Variants in PAQR5 observed in about 807,000 individuals in gnomAD.
PAQR5 encodes the protein progestin and adipoQ receptor family member 5, also known as membrane progestin receptor gamma.
In PAQR5, 20 loss-of-function variants were observed where a neutral mutation model predicts 34.5. The ratio of observed to expected loss-of-function variants is 0.58; its 90% CI spans 0.41 to 0.84. PAQR5 has a LOEUF of 0.84. Ranked by LOEUF, PAQR5 falls within the 40% of genes least tolerant of loss-of-function variation. The pLI is 0.00. For synonymous variants in PAQR5, 131 were observed against 155.6 expected (o/e 0.84, Z 1.18); for missense variants, 378 against 412.7 (o/e 0.92, Z 0.73).
chr15:69,322,760 AGAAGAAGAAGAGGGAGAAGAAGAAGAC>A (rs1595851311), intron 1 of PAQR5, among the ~76,000 whole-genome samples: 6 of 42,102 alleles, frequency 1.4e-4, no homozygotes, highest in Admixed American at 2.8e-4. Flanking sequence ...AAGAAGAAGA[AGAAGAAGAAGAGGGAGAAGAAGAAGAC>A]GAGGAAGAAG....
rs2055190946 is a variant in PAQR5 at position 69,360,023 on chromosome 15, T to C, written c.-58T>C. The C allele has an allele frequency of 1.4e-6, 2 of 1,380,812 alleles. No homozygotes were observed. The highest frequency in any genetic ancestry group is 2.1e-6 in the Non-Finnish European group (2 of 968,664). 85.5% of individuals were successfully genotyped at this position (1,380,812 alleles called of 1,614,324 possible). A position where few individuals can be genotyped will look rare whatever the true frequency, so the allele number is the denominator to read the frequency against. ...CCCCAGGCCATGTTAGAGCTTTGAG[T>C]GAGGCCTGGTAACAGGGAGGCGCTG... On this transcript the variant is annotated 5_prime_UTR_variant, in exon 3 of 9. Transcript: ENST00000395407.
intron 3 of PAQR5, among the ~76,000 whole-genome samples, chr15:69,369,697 C>T (rs2055500796): frequency 6.6e-6 from 1 of 151,726 alleles, no homozygotes; most frequent in Admixed American, 6.6e-5. Flanking sequence ...GGGGCATGGA[C>T]CACAAACCTA....
chr15:69,313,616 T>C (rs1288776333), intron 1 of PAQR5, among the ~76,000 whole-genome samples: 2 of 151,872 alleles, frequency 1.3e-5, no homozygotes, highest in Non-Finnish European at 2.9e-5. Flanking sequence ...AGACAGTATG[T>C]CTAGAAAAGG....
At chr15:69,346,021 T>C (rs2140760621) in intron 2 of PAQR5, among the ~76,000 whole-genome samples, 1 of 152,336 alleles carries the variant, frequency 6.6e-6, no homozygotes, top group South Asian at 2.1e-4. Context: ...ACAGTTATGT[T>C]TTGACTTCAG....
chr15:69,405,154 C>CA lies in PAQR5; in HGVS notation c.*1333dup, dbSNP rs1379227608. On this transcript the variant is annotated 3_prime_UTR_variant, in exon 9 of 9. Transcript: ENST00000395407. Reference sequence around the variant, plus strand: ...AAAGTTCAGTATTTCATGGTGTTTTCAGGGAACACAGAAATGCGGATGCAA... The same window carrying CA: ...AAAGTTCAGTATTTCATGGTGTTTTCAAGGGAACACAGAAATGCGGATGCAA... 1.5e-5 allele frequency: 6 copies of CA among 395,834 alleles called. No homozygotes were observed. In the East Asian group the frequency reaches 2.1e-4, roughly 14 times the overall value. 24.5% of individuals were successfully genotyped at this position (395,834 alleles called of 1,614,324 possible).
At chr15:69,396,439 G>A (rs1270083786) in intron 6 of PAQR5, among the ~76,000 whole-genome samples, 1 of 152,092 alleles carries the variant, frequency 6.6e-6, no homozygotes, top group Non-Finnish European at 1.5e-5. Flanking sequence ...TTTACAGACT[G>A]CATCAGAACA....
rs1566998031 is a variant in PAQR5 at position 69,322,774 on chromosome 15, G to GAAGAAGA, written c.-276-14566_-276-14565insAGAAGAA. On this transcript the variant is annotated intron_variant, in intron 1 of 8. Transcript: ENST00000395407. ...GAAGAAGAAGAAGAAGAAGAAGAGG[G>GAAGAAGA]AGAAGAAGAAGACGAGGAAGAAGAA... 5.9e-4 allele frequency among the ~76,000 whole-genome samples: 19 copies of GAAGAAGA among 32,432 alleles called. 4 individuals are homozygous for GAAGAAGA. The highest frequency in any genetic ancestry group is 2.3e-3 in the East Asian group (2 of 872). 21.3% of individuals were successfully genotyped at this position (32,432 alleles called of 152,430 possible).
chr15:69,318,702 C>T (rs1017071260), intron 1 of PAQR5, among the ~76,000 whole-genome samples: 4 of 151,952 alleles, frequency 2.6e-5, no homozygotes, highest in African/African-American at 9.7e-5. Context: ...CCTGAAACCA[C>T]AGATAGTACT....
chr15:69,322,743 GAAGAAGAA>G (rs2054136045), intron 1 of PAQR5, among the ~76,000 whole-genome samples: 1 of 37,968 alleles, frequency 2.6e-5, no homozygotes, highest in African/African-American at 8.3e-5. Flanking sequence ...AGAAGAAGAA[GAAGAAGAA>G]GAAGAAGAAG....
Position 69,403,659 on chromosome 15 carries a change from C to T in PAQR5, c.830C>T (p.Thr277Ile). Residue 277 changes from threonine to isoleucine, a missense_variant, in exon 9 of 9, where the codon ACT becomes ATT. By Grantham distance (89) the Thr-to-Ile change is moderately conservative. Coordinates refer to ENST00000395407, the MANE Select transcript of PAQR5 (RefSeq NM_017705.4). ...MQMEAILLDK[T>I]LRKEWLLATS... is the part of the protein sequence containing the mutation. ...ATGGAAGCCATACTTCTGGACAAGA[C>T]TCTGAGGAAGGAATGGCTCCTGGCC... The T allele has an allele frequency of 6.2e-7, 1 of 1,614,160 alleles. No homozygotes were observed. Among genetic ancestry groups the T allele is most frequent in the Non-Finnish European group, 8.5e-7 (1 of 1,180,014 alleles).
intron 3 of PAQR5, among the ~76,000 whole-genome samples, chr15:69,364,823 C>T (rs2064307461): frequency 6.6e-6 from 1 of 151,430 alleles, no homozygotes; most frequent in Admixed American, 6.6e-5. Flanking sequence ...ACTGCAACCT[C>T]CGCCTCCCAG....
chr15:69,360,050 C>T lies in PAQR5; in HGVS notation c.-31C>T. On this transcript the variant is annotated 5_prime_UTR_variant, in exon 3 of 9. Transcript: ENST00000395407. ...AGGCCTGGTAACAGGGAGGCGCTGT[C>T]ACCTACTGGCCTTGCCAATCCAGCT... 1 of 1,597,340 alleles carries T rather than the reference C, an allele frequency of 6.3e-7. No homozygotes were observed. Among genetic ancestry groups the T allele is most frequent in the Non-Finnish European group, 8.6e-7 (1 of 1,165,018 alleles).
chr15:69,342,714 T>A (rs2054673158), intron 2 of PAQR5, among the ~76,000 whole-genome samples: 1 of 152,158 alleles, frequency 6.6e-6, no homozygotes, highest in Non-Finnish European at 1.5e-5. Flanking sequence ...CTGGGCTCTG[T>A]GCTGTTTTCT....
intron 3 of PAQR5, chr15:69,379,306 G>A (rs1256804971): frequency 6.4e-6 from 3 of 465,290 alleles, no homozygotes; most frequent in African/African-American, 2.1e-5. Flanking sequence ...CAAATGGGCT[G>A]CATGGGGGTG....
chr15:69,305,014 T>C (rs1345064042), intron 1 of PAQR5, among the ~76,000 whole-genome samples: 1 of 152,220 alleles, frequency 6.6e-6, no homozygotes, highest in Admixed American at 6.5e-5. Context: ...TCCTGTCACT[T>C]CCTCTGCCTC....
chr15:69,302,614 T>C (rs1368199808), intron 1 of PAQR5, among the ~76,000 whole-genome samples: 1 of 152,184 alleles, frequency 6.6e-6, no homozygotes. Context: ...GTCAGGACTT[T>C]TGGGGCCCTG....
intron 5 of PAQR5, among the ~76,000 whole-genome samples, chr15:69,388,220 A>G (rs2056165511): frequency 6.6e-6 from 1 of 152,122 alleles, no homozygotes; most frequent in African/African-American, 2.4e-5. Flanking sequence ...TTCCTCCCTC[A>G]GGCCATCCTG....
At chr15:69,368,509 A>G (rs1049181346) in intron 3 of PAQR5, among the ~76,000 whole-genome samples, 3 of 152,244 alleles carry the variant, frequency 2.0e-5, no homozygotes, top group African/African-American at 7.2e-5. Context: ...CTGATGACTC[A>G]ATAATGCTAG....
Position 69,403,703 on chromosome 15 carries a change from TTC to T in PAQR5, c.879_880del (p.Gln294AspfsTer33). ...WLLATSKPFS[F>X]SQIAGAILLC... ...CCTGGCCACCTCCAAGCCCTTCTCTTTCTCTCAGATAGCTGGAGCCATACTTC... is the reference window on the plus strand; with the variant it reads ...CCTGGCCACCTCCAAGCCCTTCTCTTTCTCAGATAGCTGGAGCCATACTTC... On this transcript the variant is annotated frameshift_variant, in exon 9 of 9. Transcript: ENST00000395407. LOFTEE classifies it high-confidence loss of function. 10 of 1,614,176 alleles carry T rather than the reference TTC, an allele frequency of 6.2e-6. No individual in the cohort carries two copies. The highest frequency in any genetic ancestry group is 7.6e-6 in the Non-Finnish European group (9 of 1,180,028).
Sources: gnomAD v4.1 joint callset for allele counts (sites outside exome capture counted in the v4.1 genomes callset) on GRCh38, gnomAD v4.1.1 for gene constraint, MANE v1.5 for transcripts, NCBI Gene and HGNC (gene_info 2026-07-23, HGNC 2026-07-21) for gene names.